The following NAV2 variants were observed in gnomAD, a reference collection of about 807,000 sequenced individuals.
The protein encoded by NAV2 is helicase, APC down-regulated 1.
NAV2 carries 54 observed loss-of-function variants against 223.2 expected under a neutral mutation model. That is an observed-to-expected ratio of 0.24 (90% CI 0.19 to 0.30). The LOEUF is 0.30. NAV2 is among the 10% of genes least tolerant of loss of function. NAV2 has a pLI of 1.00. For missense variants in NAV2, 2,806 were observed against 3,147.5 expected, an observed-to-expected ratio of 0.89 and a Z score of 2.60; for synonymous variants, 1,279 against 1,239.3, an observed-to-expected ratio of 1.03 and a Z score of -0.67.
intron 1 of NAV2, among the ~76,000 whole-genome samples, chr11:19,658,224 G>A (rs769493078): frequency 2.0e-5 from 3 of 152,128 alleles, no homozygotes; most frequent in Non-Finnish European, 4.4e-5. Context: ...ACCTGCCTAG[G>A]ATCACACAGC....
At chr11:19,877,487 T>TTTTCTTTTCTTTTTTTTTTTTTTTTTC (rs1565479076) in intron 4 of NAV2, among the ~76,000 whole-genome samples, 1 of 143,536 alleles carries the variant, frequency 7.0e-6, no homozygotes, top group African/African-American at 2.7e-5. Context: ...TTTTTTTTTT[T>TTTTCTTTTCTTTTTTTTTTTTTTTTTC]TTTGAGACAG....
chr11:19,732,874 T>G (rs1356136178), intron 1 of NAV2, among the ~76,000 whole-genome samples: 1 of 152,266 alleles, frequency 6.6e-6, no homozygotes, highest in East Asian at 1.9e-4. Context: ...ACACCAACTA[T>G]TCTTCCTTTG....
At chr11:19,570,426 C>G (rs1479255773) in intron 1 of NAV2, among the ~76,000 whole-genome samples, 1 of 152,130 alleles carries the variant, frequency 6.6e-6, no homozygotes, top group Non-Finnish European at 1.5e-5. Flanking sequence ...ACATCAAAAC[C>G]ATCAGCAACA....
intron 11 of NAV2, among the ~76,000 whole-genome samples, chr11:20,000,000 G>C (rs1196983180): frequency 6.6e-6 from 1 of 152,236 alleles, no homozygotes; most frequent in African/African-American, 2.4e-5. Context: ...CCACTGGCCT[G>C]TGTCACCTCC....
intron 37 of NAV2, among the ~76,000 whole-genome samples, chr11:20,115,000 C>G (rs1265890418): frequency 6.6e-6 from 1 of 152,142 alleles, no homozygotes; most frequent in Non-Finnish European, 1.5e-5. Flanking sequence ...AAATTTTTTT[C>G]TGGTATTAGA....
chr11:19,593,754 C>T (rs577973780), intron 1 of NAV2, among the ~76,000 whole-genome samples: 72 of 9,208 alleles, frequency 7.8e-3, no homozygotes, highest in Middle Eastern at 0.17. Flanking sequence ...TATGTAGTGA[C>T]ACCTTTCATG....
intron 1 of NAV2, among the ~76,000 whole-genome samples, chr11:19,793,267 GC>G (rs2057668062): frequency 6.6e-6 from 1 of 150,560 alleles, no homozygotes; most frequent in East Asian, 2.0e-4. Context: ...TGGAGGTGCT[GC>G]CCTGGATTTG....
intron 1 of NAV2, among the ~76,000 whole-genome samples, chr11:19,498,729 T>TAA: frequency 6.6e-6 from 1 of 152,350 alleles, no homozygotes; most frequent in East Asian, 1.9e-4. Context: ...CTCAAATATT[T>TAA]ATTGAGCTAC....
At chr11:19,690,484 G>C (rs1047788344) in intron 1 of NAV2, among the ~76,000 whole-genome samples, 1 of 152,030 alleles carries the variant, frequency 6.6e-6, no homozygotes, top group African/African-American at 2.4e-5. Context: ...TATCTTTTAG[G>C]GTCATTGTGA....
intron 1 of NAV2, among the ~76,000 whole-genome samples, chr11:19,696,528 C>T (rs2049346065): frequency 6.6e-6 from 1 of 152,178 alleles, no homozygotes; most frequent in South Asian, 2.1e-4. Flanking sequence ...TAAGGCAGAG[C>T]TTAGTTCAGC....
chr11:19,539,877 T>A (rs746281240), intron 1 of NAV2, among the ~76,000 whole-genome samples: 42 of 152,308 alleles, frequency 2.8e-4, no homozygotes, highest in Non-Finnish European at 5.9e-4. Flanking sequence ...ATCAAACGAA[T>A]GGCTGCATTG....
intron 6 of NAV2, among the ~76,000 whole-genome samples, chr11:19,922,767 G>A (rs2044386080): frequency 6.6e-6 from 1 of 152,086 alleles, no homozygotes; most frequent in Non-Finnish European, 1.5e-5. Flanking sequence ...GCCTTTCCAG[G>A]TCCAAAATTC....
chr11:19,498,008 C>A (rs2042852236), intron 1 of NAV2, among the ~76,000 whole-genome samples: 1 of 152,224 alleles, frequency 6.6e-6, no homozygotes, highest in African/African-American at 2.4e-5. Flanking sequence ...TAATTTCACA[C>A]ATAAGGAAAC....
At chr11:19,773,086 C>T (rs1324909106) in intron 1 of NAV2, among the ~76,000 whole-genome samples, 1 of 152,194 alleles carries the variant, frequency 6.6e-6, no homozygotes, top group Non-Finnish European at 1.5e-5. Context: ...AGGCCTCAAC[C>T]CTGCCTCCTG....
chr11:20,049,798 C>G, intron 15 of NAV2, 38 bp from the exon 16 acceptor site: 1 of 1,591,700 alleles, frequency 6.3e-7, no homozygotes, highest in Non-Finnish European at 8.6e-7. Context: ...TCCAAGCTAA[C>G]GTTCCTTCTC....
intron 6 of NAV2, among the ~76,000 whole-genome samples, chr11:19,918,382 A>C (rs2043985215): frequency 6.6e-6 from 1 of 152,248 alleles, no homozygotes; most frequent in African/African-American, 2.4e-5. Context: ...CTGGCTTGTC[A>C]GCCAAATTTG....
rs561597113 is a variant in NAV2, at chr11:19,454,913, A to T, written c.75+103886A>T. Among the ~76,000 whole-genome samples the T allele has an allele frequency of 2.0e-5, 3 of 152,276 alleles. No homozygotes were observed. In the South Asian group the frequency reaches 6.2e-4, roughly 32 times the overall value. On this transcript the variant is annotated intron_variant, in intron 1 of 37. Transcript: ENST00000360655. ...GGAGCAAAAAGAAGGTCCTGTGGCTAAAACAGTGGTTCTTACTGTGGGTCT... is the reference window on the plus strand; with the variant it reads ...GGAGCAAAAAGAAGGTCCTGTGGCTTAAACAGTGGTTCTTACTGTGGGTCT...
upstream of NAV2, among the ~76,000 whole-genome samples, chr11:19,712,784 G>T (rs1032742638): frequency 2.0e-5 from 3 of 151,646 alleles, no homozygotes; most frequent in Non-Finnish European, 2.9e-5. Context: ...CAATGGGCGC[G>T]CCGGGGCGGC....
At chr11:19,945,699 T>A (rs989860861) in intron 8 of NAV2, among the ~76,000 whole-genome samples, 1 of 152,178 alleles carries the variant, frequency 6.6e-6, no homozygotes, top group Non-Finnish European at 1.5e-5. Flanking sequence ...TTGTGTTGAG[T>A]GCTTATGGTG....
Sources: allele counts gnomAD v4.1 joint callset (sites outside exome capture counted in the v4.1 genomes callset), GRCh38; gene constraint gnomAD v4.1.1; transcripts MANE v1.5; gene names NCBI Gene and HGNC (gene_info 2026-07-23, HGNC 2026-07-21).